ATP13A3: variants seen among roughly 807,000 people sequenced by gnomAD.
The protein encoded by ATP13A3 is ATPase 13A3.
A neutral mutation model predicts 158.1 loss-of-function variants in ATP13A3; 59 were observed. The observed-to-expected ratio is 0.37, with a 90% CI of 0.30 to 0.46. The LOEUF is 0.46. Among genes scored for constraint, ATP13A3 ranks in the 20% least tolerant of loss-of-function variants. ATP13A3 has a pLI of 1.00. For missense variants in ATP13A3, 1,166 were observed against 1,525.2 expected (o/e 0.76, Z 3.92); for synonymous variants, 491 against 504.3 (o/e 0.97, Z 0.35).
intron 28 of ATP13A3, among the ~76,000 whole-genome samples, chr3:194,427,830 TCA>T (rs1325567769): frequency 6.6e-6 from 1 of 152,128 alleles, no homozygotes; most frequent in East Asian, 1.9e-4. Flanking sequence ...CTTACGATAT[TCA>T]CAATGTTTGA....
chr3:194,453,764 C>A lies in ATP13A3; in HGVS notation c.780G>T (p.Leu260Phe). ...LYSIRKQYVM[L>F]HDMVATHSTV... ...TACTATGAGTTGCCACCATGTCATGCAACATAACATATTGCTGAAAGAGGA... is the reference window on the plus strand; with the variant it reads ...TACTATGAGTTGCCACCATGTCATGAAACATAACATATTGCTGAAAGAGGA... Residue 260 changes from leucine (L) to phenylalanine (F), a missense_variant, in exon 10 of 34, where the codon TTG becomes TTT. By Grantham distance (22) the Leu-to-Phe change is conservative. This residue lies in a region of ATP13A3 where 997 missense variants were observed against 1,341.2 expected (regional missense o/e 0.74). Coordinates refer to ENST00000645319, the MANE Select transcript of ATP13A3 (RefSeq NM_001367549.1). 1 of 1,613,378 alleles carries A rather than the reference C, an allele frequency of 6.2e-7. No homozygotes were observed. Among genetic ancestry groups the A allele is most frequent in the Non-Finnish European group, 8.5e-7 (1 of 1,179,514 alleles).
intron 30 of ATP13A3, among the ~76,000 whole-genome samples, chr3:194,422,574 A>G (rs1298895945): frequency 6.6e-6 from 1 of 152,200 alleles, no homozygotes; most frequent in African/African-American, 2.4e-5. Flanking sequence ...TTAAGTATTC[A>G]AAGTATATAG....
chr3:194,404,592 C>G lies in ATP13A3; in HGVS notation c.*1327G>C, dbSNP rs1269052607. On this transcript the variant is annotated 3_prime_UTR_variant, in exon 34 of 34. Transcript: ENST00000645319. The stretch of plus-strand genomic sequence containing the variant: ...GTGTTGTGGTAACTGTGGGCGTTGC[C>G]AGACTGCTGGATCCACCTATAAAAG... 6.5e-6 allele frequency: 1 copy of G among 152,692 alleles called. No homozygotes were observed. The highest frequency in any genetic ancestry group is 1.5e-5 in the Non-Finnish European group (1 of 68,374). The allele number at this position is 152,692 out of a possible 1,614,324, so 9.5% of individuals were successfully genotyped here. A position where few individuals can be genotyped will look rare whatever the true frequency, so the allele number is the denominator to read the frequency against.
intron 2 of ATP13A3, among the ~76,000 whole-genome samples, chr3:194,471,701 C>T (rs951557365): frequency 3.4e-4 from 52 of 152,214 alleles, no homozygotes; most frequent in African/African-American, 1.2e-3. Context: ...AAGTGTGCAT[C>T]TTATGCCAGG....
chr3:194,449,501 G>A (rs540427981), intron 11 of ATP13A3, among the ~76,000 whole-genome samples: 8 of 152,246 alleles, frequency 5.3e-5, no homozygotes, highest in African/African-American at 1.9e-4. Context: ...CCAACGTGGT[G>A]AAGCCGTCTC....
intron 2 of ATP13A3, among the ~76,000 whole-genome samples, chr3:194,465,273 T>C (rs1233828506): frequency 4.6e-5 from 7 of 152,004 alleles, no homozygotes; most frequent in Non-Finnish European, 1.0e-4. Flanking sequence ...GTTTGGGAGA[T>C]GAAACTGGAA....
At chr3:194,417,414 C>CACAT in intron 31 of ATP13A3, among the ~76,000 whole-genome samples, 1 of 150,238 alleles carries the variant, frequency 6.7e-6, no homozygotes. Context: ...CACACACACA[C>CACAT]ACACACACAC....
At chr3:194,429,836 C>A in intron 26 of ATP13A3, 62 bp from the exon 27 acceptor site, 1 of 1,428,646 alleles carries the variant, frequency 7.0e-7, no homozygotes. Context: ...TTTTCCAAAC[C>A]ACAATTTTAT....
chr3:194,450,426 A>G (rs1335922620), intron 10 of ATP13A3, 150 bp from the exon 11 acceptor site: 6 of 739,518 alleles, frequency 8.1e-6, no homozygotes, highest in South Asian at 3.8e-5. Flanking sequence ...GTTTTAACAA[A>G]TAAGATTATT....
In ATP13A3 at chr3:194,419,939, TAAAAAAATCACAGAAAAAAC is replaced by T; in HGVS notation, c.3322_3341del (p.Val1108IlefsTer16). The T allele has an allele frequency of 6.5e-7, 1 of 1,532,508 alleles. No individual in the cohort carries two copies. The highest frequency in any genetic ancestry group is 8.7e-7 in the Non-Finnish European group (1 of 1,149,608). 94.9% of individuals were successfully genotyped at this position (1,532,508 alleles called of 1,614,324 possible). A position where few individuals can be genotyped will look rare whatever the true frequency, so the allele number is the denominator to read the frequency against. ...ACATGATGAATAATATAAAAATATA[TAAAAAAATCACAGAAAAAAC>T]AAAAAAATCTGGAAAAGACAGCAAA... is the stretch of plus-strand genomic sequence containing the variant. On this transcript the variant is annotated frameshift_variant, in exon 31 of 34. Transcript: ENST00000645319. LOFTEE classifies it high-confidence loss of function.
intron 3 of ATP13A3, 23 bp from the exon 4 acceptor site, chr3:194,460,854 T>C (rs1200096460): frequency 1.3e-6 from 2 of 1,590,084 alleles, no homozygotes; most frequent in Admixed American, 1.8e-5. Context: ...AGCGATCACA[T>C]GATTAATTAT....
intron 31 of ATP13A3, among the ~76,000 whole-genome samples, chr3:194,416,866 C>T (rs73069190): frequency 0.023 from 3,430 of 152,044 alleles, 120 homozygotes; most frequent in African/African-American, 0.078. Flanking sequence ...GTATTGAGTT[C>T]AACAACATAA....
chr3:194,459,699 C>G, intron 5 of ATP13A3, 90 bp downstream of exon 5: 1 of 1,395,796 alleles, frequency 7.2e-7, no homozygotes, highest in Non-Finnish European at 9.8e-7. Flanking sequence ...CAAGCATTAA[C>G]TGCAAACACA....
intron 7 of ATP13A3, among the ~76,000 whole-genome samples, chr3:194,456,719 G>A (rs1050765412): frequency 6.6e-6 from 1 of 152,016 alleles, no homozygotes; most frequent in Non-Finnish European, 1.5e-5. Context: ...AAAATCTAAG[G>A]TGCTATCAAT....
intron 29 of ATP13A3, among the ~76,000 whole-genome samples, chr3:194,426,645 C>A (rs1369852514): frequency 6.6e-6 from 1 of 152,070 alleles, no homozygotes; most frequent in African/African-American, 2.4e-5. Context: ...CAGGCGTGAC[C>A]GTGATATACA....
At chr3:194,482,489 T>C (rs1415728309) in intron 2 of ATP13A3, among the ~76,000 whole-genome samples, 1 of 152,202 alleles carries the variant, frequency 6.6e-6, no homozygotes, top group Non-Finnish European at 1.5e-5. Flanking sequence ...AATATCTACT[T>C]TTCTCCAGAT....
chr3:194,462,390 C>T (rs1385043862), intron 2 of ATP13A3, among the ~76,000 whole-genome samples, 154 bp from the exon 3 acceptor site: 1 of 152,196 alleles, frequency 6.6e-6, no homozygotes, highest in Non-Finnish European at 1.5e-5. Context: ...AGGTGAGTGA[C>T]AGGCAAGCAA....
intron 21 of ATP13A3, among the ~76,000 whole-genome samples, chr3:194,432,950 C>T (rs1024724629): frequency 2.0e-5 from 3 of 152,022 alleles, no homozygotes; most frequent in African/African-American, 7.2e-5. Context: ...TAGGCTATTT[C>T]ACTAGAATTC....
chr3:194,406,806 A>G (rs1714971593), intron 33 of ATP13A3, among the ~76,000 whole-genome samples: 1 of 152,232 alleles, frequency 6.6e-6, no homozygotes, highest in South Asian at 2.1e-4. Context: ...GGCTTCAATC[A>G]TGTTTAATGT....
Sources: allele counts gnomAD v4.1 joint callset (sites outside exome capture counted in the v4.1 genomes callset), GRCh38; gene constraint gnomAD v4.1.1; regional missense constraint gnomAD v4.1.1; transcripts MANE v1.5; gene names NCBI Gene and HGNC (gene_info 2026-07-23, HGNC 2026-07-21).